The following NLGN1 variants were observed in gnomAD, a reference collection of about 807,000 sequenced individuals.
The protein encoded by NLGN1 is neuroligin-1.
NLGN1 carries 12 observed loss-of-function variants against 65.5 expected under a neutral mutation model. The observed-to-expected ratio is 0.18, with a 90% CI of 0.12 to 0.30. The LOEUF is 0.30. Ranked by LOEUF, NLGN1 falls within the 10% of genes least tolerant of loss-of-function variation. The pLI, the probability that NLGN1 is intolerant of heterozygous loss-of-function variation, is 1.00. For synonymous variants in NLGN1, 350 were observed against 359.5 expected (o/e 0.97, Z 0.30); for missense variants, 750 against 1,007.1 (o/e 0.74, Z 3.46).
chr3:173,850,946 T>C (rs914922670), intron 4 of NLGN1, among the ~76,000 whole-genome samples: 1 of 152,034 alleles, frequency 6.6e-6, no homozygotes, highest in African/African-American at 2.4e-5. Flanking sequence ...AGTCTTGCCA[T>C]GTTGCCCAGG....
chr3:173,707,532 C>A (rs1459011335), intron 3 of NLGN1, among the ~76,000 whole-genome samples: 1 of 151,922 alleles, frequency 6.6e-6, no homozygotes, highest in East Asian at 1.9e-4. Context: ...AATAAGATTT[C>A]TGAATTCTTA....
chr3:173,905,365 C>T (rs185229628), intron 4 of NLGN1, among the ~76,000 whole-genome samples: 5 of 152,300 alleles, frequency 3.3e-5, no homozygotes, highest in Admixed American at 1.3e-4. Flanking sequence ...CTTCCAACCC[C>T]AATTTGTACT....
intron 4 of NLGN1, among the ~76,000 whole-genome samples, chr3:174,214,731 C>T (rs1035032101): frequency 2.0e-5 from 3 of 152,074 alleles, no homozygotes; most frequent in African/African-American, 2.4e-5. Flanking sequence ...TAATCATAGT[C>T]TCTAAAGTAA....
At chr3:174,161,734 C>T (rs536011550) in intron 4 of NLGN1, among the ~76,000 whole-genome samples, 2 of 151,968 alleles carry the variant, frequency 1.3e-5, no homozygotes, top group Non-Finnish European at 2.9e-5. Flanking sequence ...TTTCCAGTTG[C>T]AGTGATCTGG....
At chr3:173,924,757 A>G (rs1020427368) in intron 4 of NLGN1, among the ~76,000 whole-genome samples, 1 of 152,208 alleles carries the variant, frequency 6.6e-6, no homozygotes, top group African/African-American at 2.4e-5. Context: ...ATGAGAAGCC[A>G]TTTAAGTGAC....
chr3:173,942,307 T>A (rs1343821949), intron 4 of NLGN1, among the ~76,000 whole-genome samples: 1 of 152,140 alleles, frequency 6.6e-6, no homozygotes, highest in Non-Finnish European at 1.5e-5. Context: ...ATAGGTCACA[T>A]CTACTTAATT....
At chr3:173,993,888 A>G (rs73184526) in intron 4 of NLGN1, among the ~76,000 whole-genome samples, 1,573 of 152,056 alleles carry the variant, frequency 0.01, 6 homozygotes, top group Middle Eastern at 0.021. Context: ...GTGTATTTAT[A>G]TACATATACA....
At chr3:174,080,639 C>T (rs1741966825) in intron 4 of NLGN1, among the ~76,000 whole-genome samples, 1 of 151,998 alleles carries the variant, frequency 6.6e-6, no homozygotes, top group Admixed American at 6.6e-5. Context: ...CCTTACCAGT[C>T]GTTCCGAGAA....
chr3:174,202,829 C>T (rs1336410843), intron 4 of NLGN1: 1 of 152,188 alleles, frequency 6.6e-6, no homozygotes, highest in Non-Finnish European at 1.5e-5. Flanking sequence ...GCACTCCCAT[C>T]TCACCCAAGG....
intron 4 of NLGN1, among the ~76,000 whole-genome samples, chr3:174,020,533 C>T (rs1051105441): frequency 3.9e-5 from 6 of 152,018 alleles, no homozygotes; most frequent in Non-Finnish European, 8.8e-5. Context: ...TACTACTCTC[C>T]TTAAAAAGAT....
intron 4 of NLGN1, among the ~76,000 whole-genome samples, chr3:173,994,215 C>G (rs541065383): frequency 2.3e-4 from 35 of 152,148 alleles, no homozygotes; most frequent in Non-Finnish European, 1.2e-4. Flanking sequence ...TCAAGTGATC[C>G]TACTGCCTCT....
intron 4 of NLGN1, among the ~76,000 whole-genome samples, chr3:173,878,243 G>T (rs142773193): frequency 0.011 from 1,677 of 152,038 alleles, 33 homozygotes; most frequent in African/African-American, 0.035. Context: ...GGTTTCACCA[G>T]GTTGGTCAGG....
intron 5 of NLGN1, 60 bp from the exon 6 acceptor site, chr3:174,278,801 A>ATTGTT: frequency 7.8e-7 from 1 of 1,279,802 alleles, no homozygotes; most frequent in African/African-American, 1.5e-5. Context: ...ATCAGATGTT[A>ATTGTT]TTGTTTTACC....
At chr3:173,454,994 A>AGAGACT (rs1722265643) in intron 2 of NLGN1, among the ~76,000 whole-genome samples, 1 of 152,144 alleles carries the variant, frequency 6.6e-6, no homozygotes, top group African/African-American at 2.4e-5. Context: ...GCGGAAGGAG[A>AGAGACT]GAGACTTGAG....
intron 3 of NLGN1, among the ~76,000 whole-genome samples, chr3:173,633,594 A>G (rs548115447): frequency 3.9e-5 from 6 of 152,284 alleles, no homozygotes; most frequent in African/African-American, 1.4e-4. Context: ...ACATTTTACC[A>G]TAGCATTCAA....
At chr3:174,163,931 C>T (rs1048879421) in intron 4 of NLGN1, among the ~76,000 whole-genome samples, 21 of 151,844 alleles carry the variant, frequency 1.4e-4, no homozygotes, top group African/African-American at 4.8e-4. Context: ...ATGATTTGGG[C>T]TTTTAAATAT....
chr3:174,167,744 A>G (rs972249646), intron 4 of NLGN1, among the ~76,000 whole-genome samples: 2 of 151,418 alleles, frequency 1.3e-5, no homozygotes, highest in African/African-American at 4.8e-5. Context: ...CTGAATGTCT[A>G]CCTTTCTAGA....
At chr3:173,409,581 T>C (rs1452467848) in intron 1 of NLGN1, among the ~76,000 whole-genome samples, 1 of 152,218 alleles carries the variant, frequency 6.6e-6, no homozygotes, top group Non-Finnish European at 1.5e-5. Flanking sequence ...TCCTGTCTCC[T>C]GATCCCTGTA....
intron 3 of NLGN1, among the ~76,000 whole-genome samples, chr3:173,689,359 T>C (rs1386798135): frequency 1.3e-5 from 2 of 152,122 alleles, no homozygotes; most frequent in African/African-American, 4.8e-5. Flanking sequence ...GAGACTTGGG[T>C]AATGGAGGAG....
Sources: allele counts gnomAD v4.1 joint callset (sites outside exome capture counted in the v4.1 genomes callset), GRCh38; gene constraint gnomAD v4.1.1; transcripts MANE v1.5; gene names NCBI Gene and HGNC (gene_info 2026-07-23, HGNC 2026-07-21).